The following SLC16A12 variants were observed in gnomAD, a reference collection of about 807,000 sequenced individuals.
The protein encoded by SLC16A12 is solute carrier family 16 member 12, also known as monocarboxylate transporter 12.
In SLC16A12, 17 loss-of-function variants were observed where a neutral mutation model predicts 42.4. The ratio of observed to expected loss-of-function variants is 0.40; its 90% CI spans 0.27 to 0.60. SLC16A12 has a LOEUF of 0.60. Ranked by LOEUF, SLC16A12 falls within the 20% of genes least tolerant of loss-of-function variation. SLC16A12 has a pLI of 0.42. For synonymous variants in SLC16A12, 224 were observed against 229.4 expected, an observed-to-expected ratio of 0.98 and a Z score of 0.21; for missense variants, 544 against 623.0, an observed-to-expected ratio of 0.87 and a Z score of 1.35.
chr10:89,539,953 T>C, upstream of SLC16A12, among the ~76,000 whole-genome samples: 1 of 148,776 alleles, frequency 6.7e-6, no homozygotes, highest in Non-Finnish European at 1.5e-5. Flanking sequence ...TCTTTCTCTT[T>C]CTTTCTTCTT....
intron 3 of SLC16A12, among the ~76,000 whole-genome samples, chr10:89,459,587 GACAA>G (rs377535753): frequency 6.8e-4 from 102 of 150,028 alleles, no homozygotes; most frequent in East Asian, 3.0e-3. Flanking sequence ...TATGCACAGT[GACAA>G]ACAAACAAAC....
At chr10:89,451,830 T>C (rs141246427) in intron 3 of SLC16A12, among the ~76,000 whole-genome samples, 305 of 152,310 alleles carry the variant, frequency 2.0e-3, no homozygotes, top group Middle Eastern at 6.8e-3. Flanking sequence ...GTGTTAGAGA[T>C]GTCCCATAAG....
intron 2 of SLC16A12, among the ~76,000 whole-genome samples, chr10:89,485,380 A>T (rs1361010304): frequency 6.6e-6 from 1 of 152,208 alleles, no homozygotes; most frequent in Admixed American, 6.5e-5. Context: ...GAGATGGAGA[A>T]ATGAGTTGCA....
At chr10:89,483,745 A>C (rs1000895672) in intron 2 of SLC16A12, among the ~76,000 whole-genome samples, 1 of 149,050 alleles carries the variant, frequency 6.7e-6, no homozygotes, top group African/African-American at 2.5e-5. Context: ...CTCTAAAAAA[A>C]AAAAAAAACA....
Position 89,438,740 on chromosome 10 carries a change from T to C in SLC16A12, c.892A>G (p.Ser298Gly). The change falls in exon 6 of 8, where the codon AGC (serine) becomes GGC (glycine). Residue 298 changes from serine (S) to glycine (G), a missense_variant. Transcript: ENST00000371790. Reference protein sequence around the residue: ...VSVLFMAYGCSPLFVYLVPYA... With the variant: ...VSVLFMAYGCGPLFVYLVPYA... ...GGCACCAAGTACACAAAGAGAGGGCTGCAGCCATAAGCCATAAACAGAACG... is the reference window on the plus strand; with the variant it reads ...GGCACCAAGTACACAAAGAGAGGGCCGCAGCCATAAGCCATAAACAGAACG... The C allele has an allele frequency of 6.2e-7, 1 of 1,614,170 alleles. No individual in the cohort carries two copies. The highest frequency in any genetic ancestry group is 8.5e-7 in the Non-Finnish European group (1 of 1,180,044).
chr10:89,488,976 G>A (rs1842805981), intron 2 of SLC16A12, among the ~76,000 whole-genome samples: 1 of 152,138 alleles, frequency 6.6e-6, no homozygotes, highest in South Asian at 2.1e-4. Context: ...GTTCTTTCAT[G>A]ATGAAAGAAA....
At chr10:89,474,166 G>A (rs303202) in intron 2 of SLC16A12, among the ~76,000 whole-genome samples, 34,998 of 151,954 alleles carry the variant, frequency 0.23, 4,768 homozygotes, top group Non-Finnish European at 0.32. Flanking sequence ...CCTCTTCCAG[G>A]TTTTTGGAGA....
intron 2 of SLC16A12, among the ~76,000 whole-genome samples, chr10:89,510,628 C>T (rs1843148276): frequency 6.6e-6 from 1 of 151,990 alleles, no homozygotes; most frequent in Non-Finnish European, 1.5e-5. Flanking sequence ...CCATAAAAAC[C>T]CTAGAAGAAA....
At chr10:89,448,505 C>T (rs984126933) in intron 3 of SLC16A12, among the ~76,000 whole-genome samples, 2 of 152,106 alleles carry the variant, frequency 1.3e-5, no homozygotes, top group African/African-American at 2.4e-5. Context: ...AAGACAAAAA[C>T]CACATGATTA....
chr10:89,484,281 C>T (rs781021502), intron 2 of SLC16A12, among the ~76,000 whole-genome samples: 2 of 152,108 alleles, frequency 1.3e-5, no homozygotes, highest in African/African-American at 4.8e-5. Flanking sequence ...ACCTAAACTA[C>T]GTATATATCT....
chr10:89,483,878 C>T (rs1052456994), intron 2 of SLC16A12, among the ~76,000 whole-genome samples: 1 of 152,052 alleles, frequency 6.6e-6, no homozygotes, highest in Non-Finnish European at 1.5e-5. Context: ...TCACAAAAAC[C>T]CTCTGATACA....
intron 2 of SLC16A12, among the ~76,000 whole-genome samples, chr10:89,515,344 G>A (rs1843233609): frequency 6.6e-6 from 1 of 152,124 alleles, no homozygotes; most frequent in African/African-American, 2.4e-5. Flanking sequence ...CACATGCAAA[G>A]AGCCTCCTGA....
At chr10:89,540,048 TCTC>T (rs1843705851), upstream of SLC16A12, among the ~76,000 whole-genome samples, 1 of 151,094 alleles carries the variant, frequency 6.6e-6, no homozygotes, top group African/African-American at 2.4e-5. Flanking sequence ...TCTCTGGCTC[TCTC>T]TTTTTTCTTC....
intron 2 of SLC16A12, among the ~76,000 whole-genome samples, chr10:89,546,862 A>C (rs1843745077): frequency 6.6e-6 from 1 of 152,208 alleles, no homozygotes; most frequent in African/African-American, 2.4e-5. Flanking sequence ...CATAAAAAGG[A>C]ATGAGATAAT....
intron 3 of SLC16A12, among the ~76,000 whole-genome samples, chr10:89,444,728 A>G (rs1233082647): frequency 6.6e-6 from 1 of 152,178 alleles, no homozygotes; most frequent in African/African-American, 2.4e-5. Context: ...CAACTGAGGT[A>G]CCTGGTTCAT....
intron 2 of SLC16A12, among the ~76,000 whole-genome samples, chr10:89,547,620 A>C (rs1020644204): frequency 6.6e-6 from 1 of 152,204 alleles, no homozygotes; most frequent in African/African-American, 2.4e-5. Context: ...TAATAAGAAA[A>C]GGTATGTGAT....
intron 3 of SLC16A12, among the ~76,000 whole-genome samples, chr10:89,458,925 A>G (rs556706704): frequency 2.0e-5 from 3 of 152,298 alleles, no homozygotes; most frequent in Admixed American, 2.0e-4. Flanking sequence ...CTGGAAAAAA[A>G]TTGTGCAAGT....
chr10:89,435,174 G>A lies in SLC16A12; in HGVS notation c.1288+886C>T, dbSNP rs181160360. ...GATTCCCAAATCTATATATAAACCA[G>A]GCCATCCACTAAAGCTCATATTTCA... On this transcript the variant is annotated intron_variant, in intron 7 of 7. Transcript: ENST00000371790. Among the ~76,000 whole-genome samples, 17 of 152,222 alleles carry A rather than the reference G, an allele frequency of 1.1e-4. No homozygotes were observed. The East Asian group carries it at 3.3e-3, about 29-fold the overall frequency.
At chr10:89,466,408 A>G (rs1344687354) in intron 2 of SLC16A12, among the ~76,000 whole-genome samples, 1 of 152,162 alleles carries the variant, frequency 6.6e-6, no homozygotes, top group Non-Finnish European at 1.5e-5. Context: ...ACAGTTCATG[A>G]ACTGTTGAAC....
Sources: gnomAD v4.1 joint callset for allele counts (sites outside exome capture counted in the v4.1 genomes callset) on GRCh38, gnomAD v4.1.1 for gene constraint, MANE v1.5 for transcripts, NCBI Gene and HGNC (gene_info 2026-07-23, HGNC 2026-07-21) for gene names.